Variants in FBXL5 observed in about 807,000 individuals in gnomAD.
The protein encoded by FBXL5 is F-box and leucine rich repeat protein 5, also known as F-box/LRR-repeat protein 5.
A neutral mutation model predicts 78.3 loss-of-function variants in FBXL5; 26 were observed. The ratio of observed to expected loss-of-function variants is 0.33; its 90% CI spans 0.24 to 0.46. The LOEUF (loss-of-function observed/expected upper bound fraction) is 0.46. Among genes scored for constraint, FBXL5 ranks in the 20% least tolerant of loss-of-function variants. The probability of loss-of-function intolerance (pLI) is 1.00; values close to 1 mark genes in which losing one functional copy is unlikely to be tolerated. For synonymous variants in FBXL5, 295 were observed against 282.5 expected (o/e 1.04, Z -0.45); for missense variants, 710 against 829.2 (o/e 0.86, Z 1.77).
intron 4 of FBXL5, among the ~76,000 whole-genome samples, chr4:15,638,185 A>G (rs954228922): frequency 1.3e-5 from 2 of 152,224 alleles, no homozygotes; most frequent in Non-Finnish European, 2.9e-5. Context: ...GTAGTTTTCA[A>G]CAATTTTGAC....
intron 1 of FBXL5, among the ~76,000 whole-genome samples, chr4:15,675,895 C>G (rs1241163697): frequency 6.6e-6 from 1 of 152,144 alleles, no homozygotes; most frequent in African/African-American, 2.4e-5. Context: ...AACTCCTGTT[C>G]TAGTTGAATA....
At chr4:15,649,705 A>G (rs112866563) in intron 1 of FBXL5, among the ~76,000 whole-genome samples, 115 of 152,082 alleles carry the variant, frequency 7.6e-4, no homozygotes, top group African/African-American at 2.4e-3. Context: ...CTTTATGGAG[A>G]AAAAAAACCT....
chr4:15,676,268 TAAG>T (rs1219721349), intron 1 of FBXL5, among the ~76,000 whole-genome samples: 3 of 152,176 alleles, frequency 2.0e-5, no homozygotes, highest in Non-Finnish European at 2.9e-5. Flanking sequence ...ATAAAAAGCA[TAAG>T]AAGTAGTCAA....
chr4:15,613,142 T>C (rs1241034676), intron 9 of FBXL5, among the ~76,000 whole-genome samples: 1 of 152,006 alleles, frequency 6.6e-6, no homozygotes, highest in African/African-American at 2.4e-5. Context: ...CCAGAAGAGG[T>C]AAATCCACAG....
chr4:15,669,636 A>T (rs1309119978), intron 1 of FBXL5, among the ~76,000 whole-genome samples: 2 of 152,206 alleles, frequency 1.3e-5, no homozygotes, highest in African/African-American at 4.8e-5. Flanking sequence ...AATGATCATC[A>T]ACCCACAGAA....
At chr4:15,613,861 C>A (rs1486205481) in intron 9 of FBXL5, among the ~76,000 whole-genome samples, 2 of 149,868 alleles carry the variant, frequency 1.3e-5, no homozygotes, top group Non-Finnish European at 1.5e-5. Context: ...TTTTTTATTT[C>A]TTTAAGTTTC....
intron 10 of FBXL5, among the ~76,000 whole-genome samples, chr4:15,611,240 G>C (rs1277270338): frequency 6.6e-6 from 1 of 152,056 alleles, no homozygotes; most frequent in Non-Finnish European, 1.5e-5. Flanking sequence ...ACCATCTCCA[G>C]TTTCCTCTTA....
Position 15,628,050 on chromosome 4 carries a change from A to G in FBXL5, c.893-17T>C, listed in dbSNP as rs41267467. ...CAGACTCTTCTGTAAAATGAATTCA[A>G]AAGTCCAAGAACTTGATAAACTGAT... On this transcript the variant is annotated splice_polypyrimidine_tract_variant and intron_variant, in intron 6 of 10. Coordinates refer to ENST00000341285, the MANE Select transcript of FBXL5 (RefSeq NM_012161.4). 17 of 1,611,244 alleles carry G rather than the reference A, an allele frequency of 1.1e-5. No homozygotes were observed. The highest frequency in any genetic ancestry group is 5.5e-5 in the South Asian group (5 of 90,740).
intron 10 of FBXL5, 97 bp downstream of exon 10, chr4:15,612,169 T>C (rs1304375339): frequency 8.3e-6 from 8 of 959,894 alleles, no homozygotes; most frequent in Middle Eastern, 2.9e-4. Context: ...GTCTGGGAAT[T>C]AGAAATCTAG....
At chr4:15,613,932 T>G (rs1189112221) in intron 9 of FBXL5, among the ~76,000 whole-genome samples, 1 of 152,248 alleles carries the variant, frequency 6.6e-6, no homozygotes, top group Non-Finnish European at 1.5e-5. Context: ...GATTTCCTCT[T>G]TCCGGCAATT....
chr4:15,612,517 A>G, intron 9 of FBXL5, 103 bp from the exon 10 acceptor site: 1 of 1,077,542 alleles, frequency 9.3e-7, no homozygotes, highest in Non-Finnish European at 1.3e-6. Flanking sequence ...TCAATATGGT[A>G]ATGAGAAAAT....
chr4:15,655,763 G>T (rs183843759), upstream of FBXL5, among the ~76,000 whole-genome samples: 1 of 152,310 alleles, frequency 6.6e-6, no homozygotes, highest in Admixed American at 6.5e-5. Flanking sequence ...TGCTTGGCCT[G>T]GGTGACCAAT....
At chr4:15,651,791 G>C (rs1716094417) in intron 1 of FBXL5, among the ~76,000 whole-genome samples, 1 of 152,228 alleles carries the variant, frequency 6.6e-6, no homozygotes, top group African/African-American at 2.4e-5. Context: ...CACACCTTAA[G>C]GCCTCCACCA....
intron 3 of FBXL5, among the ~76,000 whole-genome samples, chr4:15,639,028 G>T (rs1714561575): frequency 6.6e-6 from 1 of 152,190 alleles, no homozygotes; most frequent in South Asian, 2.1e-4. Flanking sequence ...GCCGGGCGTG[G>T]TGGCGCATGC....
In FBXL5 at chr4:15,633,357, C is replaced by A. The variant is rs1191448458; in HGVS notation, c.767-2566G>T. ...AGAAATCACGATGAGCAAACAATTT[C>A]CCCTGCTGTCATTTCACACTGGTTC... is the stretch of plus-strand genomic sequence containing the variant. On this transcript the variant is annotated intron_variant, in intron 5 of 10. Coordinates refer to ENST00000341285, the MANE Select transcript of FBXL5 (RefSeq NM_012161.4). Among the ~76,000 whole-genome samples, 5 of 152,112 alleles carry A rather than the reference C, an allele frequency of 3.3e-5. No individual in the cohort carries two copies. The East Asian group carries it at 9.6e-4, about 29-fold the overall frequency.
intron 1 of FBXL5, among the ~76,000 whole-genome samples, chr4:15,649,957 G>A (rs1359082776): frequency 6.6e-6 from 1 of 152,110 alleles, no homozygotes; most frequent in African/African-American, 2.4e-5. Flanking sequence ...CATACACAAT[G>A]TTAGTCCCAT....
At chr4:15,614,734 A>G (rs1200907764) in intron 9 of FBXL5, among the ~76,000 whole-genome samples, 3 of 152,196 alleles carry the variant, frequency 2.0e-5, no homozygotes, top group East Asian at 3.9e-4. Flanking sequence ...GGTATTATTG[A>G]GAGGTGACAG....
At chr4:15,638,784 G>A (rs903904333) in intron 3 of FBXL5, 90 bp from the exon 4 acceptor site, 23 of 772,488 alleles carry the variant, frequency 3.0e-5, no homozygotes, top group South Asian at 4.1e-5. Context: ...CTCGAATGTC[G>A]TATTATGACC....
intron 1 of FBXL5, among the ~76,000 whole-genome samples, chr4:15,649,930 C>CTTA (rs1715781751): frequency 6.6e-6 from 1 of 152,172 alleles, no homozygotes; most frequent in South Asian, 2.1e-4. Flanking sequence ...AAAACTCTAA[C>CTTA]ATCTATGACT....
Sources: gnomAD v4.1 joint callset for allele counts (sites outside exome capture counted in the v4.1 genomes callset) on GRCh38, gnomAD v4.1.1 for gene constraint, MANE v1.5 for transcripts, NCBI Gene and HGNC (gene_info 2026-07-23, HGNC 2026-07-21) for gene names.